Variants in CLEC20A observed in about 807,000 individuals in gnomAD.
CLEC20A encodes putative C-type lectin domain family 20 member A.
At chr1:178,491,419 C>T (rs1043859825) in intron 3 of CLEC20A, among the ~76,000 whole-genome samples, 1 of 152,132 alleles carries the variant, frequency 6.6e-6, no homozygotes, top group African/African-American at 2.4e-5. Context: ...CTCCAATTTC[C>T]CTAACATTTT....
chr1:178,487,585 G>A (rs1472402278), intron 5 of CLEC20A, among the ~76,000 whole-genome samples: 2 of 152,274 alleles, frequency 1.3e-5, no homozygotes, highest in South Asian at 4.1e-4. Context: ...ATTACAGGGG[G>A]GGATGCTCCC....
chr1:178,479,649 G>C, intron 7 of CLEC20A, 34 bp from the exon 8 acceptor site: 1 of 398,094 alleles, frequency 2.5e-6, no homozygotes, highest in South Asian at 1.3e-4. Flanking sequence ...GTGTTGATGC[G>C]GTCTTTTTAC....
intron 1 of CLEC20A, chr1:178,496,259 TCTGC>T (rs1428918868): frequency 6.5e-6 from 1 of 152,914 alleles, no homozygotes; most frequent in Non-Finnish European, 1.5e-5. Flanking sequence ...TTAGCCCTTC[TCTGC>T]CTGCCTGCCG....
intron 3 of CLEC20A, among the ~76,000 whole-genome samples, chr1:178,491,580 A>G (rs1196508887): frequency 6.6e-6 from 1 of 152,146 alleles, no homozygotes; most frequent in Non-Finnish European, 1.5e-5. Flanking sequence ...AGATGAGGAA[A>G]AGGAGGCTCA....
intron 7 of CLEC20A, chr1:178,480,995 T>A (rs554204451): frequency 6.6e-6 from 1 of 152,064 alleles, no homozygotes; most frequent in Non-Finnish European, 1.5e-5. Flanking sequence ...AGCACTGAAG[T>A]CTTATTACTT....
chr1:178,494,617 A>G, exon 2 of CLEC20A: 1 of 399,380 alleles, frequency 2.5e-6, no homozygotes, highest in Admixed American at 4.4e-5. Flanking sequence ...ATCTCAGGCC[A>G]GAAGTGCTTG....
At chr1:178,488,274 T>C (rs905169156) in intron 5 of CLEC20A, among the ~76,000 whole-genome samples, 1 of 152,196 alleles carries the variant, frequency 6.6e-6, no homozygotes, top group Non-Finnish European at 1.5e-5. Flanking sequence ...AAAGGGAGTT[T>C]GATGTGGCCC....
At chr1:178,492,407 C>T (rs1649286481) in intron 3 of CLEC20A, 94 bp downstream of exon 3, 4 of 398,336 alleles carry the variant, frequency 1.0e-5, no homozygotes, top group East Asian at 7.1e-5. Flanking sequence ...AGAGGGGACG[C>T]GGGGGTGGAG....
chr1:178,487,535 A>G (rs1401723315), intron 5 of CLEC20A, among the ~76,000 whole-genome samples: 1 of 152,064 alleles, frequency 6.6e-6, no homozygotes, highest in Non-Finnish European at 1.5e-5. Flanking sequence ...CATCCTTCCA[A>G]TAGTTATAAA....
chr1:178,487,893 A>G (rs1040053871), intron 5 of CLEC20A, among the ~76,000 whole-genome samples: 5 of 152,340 alleles, frequency 3.3e-5, no homozygotes, highest in African/African-American at 1.2e-4. Flanking sequence ...TTTGCCCTCA[A>G]TTACTCTAGT....
At chr1:178,495,189 G>A (rs927858019) in intron 1 of CLEC20A, among the ~76,000 whole-genome samples, 1 of 152,212 alleles carries the variant, frequency 6.6e-6, no homozygotes, top group Non-Finnish European at 1.5e-5. Flanking sequence ...AATGCTTGCT[G>A]AGCACCCGCC....
chr1:178,486,745 C>T (rs1192766130), intron 5 of CLEC20A: 2 of 398,476 alleles, frequency 5.0e-6, no homozygotes, highest in Non-Finnish European at 8.8e-6. Flanking sequence ...GAGGCTCCCC[C>T]GAGAGGCCGC....
At position 178,488,484 on chromosome 1, in the gene CLEC20A, G is replaced by C. The variant is rs1649200910; in HGVS notation, c.928+17C>G. 5.0e-6 allele frequency: 2 copies of C among 398,774 alleles called. No individual in the cohort carries two copies. The highest frequency in any genetic ancestry group is 8.8e-6 in the Non-Finnish European group (2 of 226,154). 24.7% of individuals were successfully genotyped at this position (398,774 alleles called of 1,614,324 possible). On this transcript the variant is annotated intron_variant, in intron 5 of 7. Coordinates refer to ENST00000623247, the Ensembl canonical transcript of CLEC20A. ...ACCCTGAAGACCCAGATCCAGCCAAGGGCAGGCTCAAAGCACCTCTGCCTG... is the reference window on the plus strand; with the variant it reads ...ACCCTGAAGACCCAGATCCAGCCAACGGCAGGCTCAAAGCACCTCTGCCTG...
chr1:178,482,299 G>A lies in CLEC20A; in HGVS notation c.1122+13C>T. 1 of 398,536 alleles carries A rather than the reference G, an allele frequency of 2.5e-6. No homozygotes were observed. The highest frequency in any genetic ancestry group is 3.6e-5 in the East Asian group (1 of 28,072). The allele number at this position is 398,536 out of a possible 1,614,324, so 24.7% of individuals were successfully genotyped here. On this transcript the variant is annotated intron_variant, in intron 7 of 7. Coordinates refer to ENST00000623247, the Ensembl canonical transcript of CLEC20A. ...CATCTGATCAGAATTAGAAGAGTGT[G>A]CAGAAGTCTCACCTGTCTCAGAAAT...
At chr1:178,497,305 T>C (rs970929379), upstream of CLEC20A, 3 of 242,004 alleles carry the variant, frequency 1.2e-5, no homozygotes, top group Non-Finnish European at 2.4e-5. Flanking sequence ...CCGTAGGAAC[T>C]AGAACCCCTT....
intron 2 of CLEC20A, among the ~76,000 whole-genome samples, chr1:178,493,261 T>C (rs541156378): frequency 5.9e-5 from 9 of 152,266 alleles, no homozygotes; most frequent in African/African-American, 1.7e-4. Flanking sequence ...TCACCACCCC[T>C]GGGAATCTCC....
intron 2 of CLEC20A, 145 bp from the exon 3 acceptor site, chr1:178,492,711 A>C (rs558663209): frequency 7.6e-6 from 3 of 396,778 alleles, no homozygotes; most frequent in African/African-American, 6.2e-5. Context: ...CCATTCAATA[A>C]ATACTGGGCA....
intron 5 of CLEC20A, among the ~76,000 whole-genome samples, chr1:178,487,662 C>T (rs967916582): frequency 3.3e-5 from 5 of 152,236 alleles, no homozygotes; most frequent in Admixed American, 2.6e-4. Context: ...TGGCTGTGAG[C>T]GCCTTCAGAA....
At chr1:178,486,171 C>T (rs1197204352) in intron 5 of CLEC20A, among the ~76,000 whole-genome samples, 1 of 152,192 alleles carries the variant, frequency 6.6e-6, no homozygotes, top group Non-Finnish European at 1.5e-5. Context: ...CATTTCCATC[C>T]TAAATTACCC....
Sources: allele counts gnomAD v4.1 joint callset (sites outside exome capture counted in the v4.1 genomes callset), GRCh38; gene constraint gnomAD v4.1.1; transcripts MANE v1.5; gene names NCBI Gene and HGNC (gene_info 2026-07-23, HGNC 2026-07-21).